The following ZFAND3 variants were observed in gnomAD, a reference collection of about 807,000 sequenced individuals.
ZFAND3 encodes AN1-type zinc finger protein 3.
A neutral mutation model predicts 29.6 loss-of-function variants in ZFAND3; 10 were observed. The observed-to-expected ratio is 0.34, with a 90% confidence interval of 0.21 to 0.57. The LOEUF (loss-of-function observed/expected upper bound fraction) is 0.57, where lower values mean the gene tolerates loss of function less well. Ranked by LOEUF, ZFAND3 falls within the 20% of genes least tolerant of loss-of-function variation. The pLI is 0.86. For missense variants in ZFAND3, 230 were observed against 304.5 expected (o/e 0.76, Z 1.82); for synonymous variants, 128 against 112.6 (o/e 1.14, Z -0.87).
chr6:37,949,640 T>A (rs529740673), intron 2 of ZFAND3, among the ~76,000 whole-genome samples: 1 of 152,248 alleles, frequency 6.6e-6, no homozygotes, highest in East Asian at 1.9e-4. Context: ...TGGGTTCGAT[T>A]AATTTGTTGG....
chr6:38,070,162 C>T (rs951348308), intron 3 of ZFAND3, among the ~76,000 whole-genome samples: 23 of 152,084 alleles, frequency 1.5e-4, no homozygotes, highest in African/African-American at 4.3e-4. Context: ...CTGTGGCTTG[C>T]GCCTGTAATC....
At chr6:38,131,448 C>G (rs7767077) in intron 5 of ZFAND3, among the ~76,000 whole-genome samples, 3 of 152,148 alleles carry the variant, frequency 2.0e-5, no homozygotes, top group Admixed American at 2.0e-4. Context: ...TTAATGTACC[C>G]CCAAGTTAGA....
In ZFAND3 at chr6:37,839,315, G is replaced by C. The variant is rs565779754; in HGVS notation, c.71+19299G>C. 3.3e-5 allele frequency among the ~76,000 whole-genome samples: 5 copies of C among 151,170 alleles called. No homozygotes were observed. The South Asian group carries it at 6.3e-4, about 19-fold the overall frequency. Reference sequence around the variant, plus strand: ...CCTGCCTCAGCTTCCCGGGTAGCTGGGACTACAGACGCGTGCCACCATGCC... The same window carrying C: ...CCTGCCTCAGCTTCCCGGGTAGCTGCGACTACAGACGCGTGCCACCATGCC... On this transcript the variant is annotated intron_variant, in intron 1 of 5. Coordinates refer to ENST00000287218, the MANE Select transcript of ZFAND3 (RefSeq NM_021943.3).
intron 5 of ZFAND3, among the ~76,000 whole-genome samples, chr6:38,121,987 C>A (rs1765543271): frequency 1.3e-5 from 2 of 152,210 alleles, no homozygotes; most frequent in Non-Finnish European, 2.9e-5. Context: ...TGATGATTTA[C>A]TAACTCTAGC....
intron 1 of ZFAND3, among the ~76,000 whole-genome samples, chr6:37,880,346 C>G (rs1399034002): frequency 6.6e-6 from 1 of 152,164 alleles, no homozygotes; most frequent in Non-Finnish European, 1.5e-5. Context: ...TTACTTTGTT[C>G]TGGAGCTGAA....
rs1230233292 is a variant in ZFAND3 at position 38,153,622 on chromosome 6, T to A, written c.*1233T>A. 1.0e-6 allele frequency: 1 copy of A among 985,186 alleles called. No homozygotes were observed. The highest frequency in any genetic ancestry group is 6.2e-5 in the Admixed American group (1 of 16,248). 61.0% of individuals were successfully genotyped at this position (985,186 alleles called of 1,614,324 possible). A position where few individuals can be genotyped will look rare whatever the true frequency, so the allele number is the denominator to read the frequency against. On this transcript the variant is annotated 3_prime_UTR_variant, in exon 6 of 6. Coordinates refer to ENST00000287218, the MANE Select transcript of ZFAND3 (RefSeq NM_021943.3). ...GGTACATTTCTCCACCTGTGCCCCC[T>A]CATGTTCACAGAGGATTTCAGCAGC...
At chr6:38,073,427 A>G (rs1764494516) in intron 3 of ZFAND3, among the ~76,000 whole-genome samples, 1 of 152,130 alleles carries the variant, frequency 6.6e-6, no homozygotes, top group South Asian at 2.1e-4. Context: ...TAAAATGCAA[A>G]TGATGCAAAT....
chr6:38,140,634 C>T (rs1420179527), intron 5 of ZFAND3, among the ~76,000 whole-genome samples: 11 of 152,180 alleles, frequency 7.2e-5, no homozygotes, highest in Admixed American at 7.2e-4. Flanking sequence ...GGCTTACAGA[C>T]ATGAGCCACC....
chr6:38,092,742 A>G (rs1012695887), intron 4 of ZFAND3, among the ~76,000 whole-genome samples: 5 of 152,202 alleles, frequency 3.3e-5, no homozygotes, highest in African/African-American at 1.2e-4. Context: ...GCTCAACTTC[A>G]CTAAATCACA....
intron 2 of ZFAND3, among the ~76,000 whole-genome samples, chr6:38,006,638 C>T (rs138628720): frequency 4.2e-5 from 6 of 144,256 alleles, no homozygotes; most frequent in East Asian, 4.1e-4. Context: ...GCTAAGCCTA[C>T]GGAGGTGAGG....
chr6:37,946,020 T>A (rs867095718), intron 2 of ZFAND3, among the ~76,000 whole-genome samples: 2 of 152,168 alleles, frequency 1.3e-5, no homozygotes, highest in Middle Eastern at 3.2e-3. Flanking sequence ...TTTGGTGTCT[T>A]AAAGGGTTGG....
chr6:38,021,469 C>T (rs1292043818), intron 2 of ZFAND3, among the ~76,000 whole-genome samples: 2 of 152,150 alleles, frequency 1.3e-5, no homozygotes, highest in South Asian at 2.1e-4. Context: ...TTCAATGATA[C>T]CCCCAGGACT....
At chr6:37,932,272 A>T (rs1005403274) in intron 2 of ZFAND3, among the ~76,000 whole-genome samples, 1 of 151,914 alleles carries the variant, frequency 6.6e-6, no homozygotes, top group African/African-American at 2.4e-5. Flanking sequence ...AAAAAAAAAA[A>T]ATAAATAAAT....
intron 2 of ZFAND3, among the ~76,000 whole-genome samples, chr6:37,977,266 G>C (rs961733670): frequency 2.0e-5 from 3 of 152,138 alleles, no homozygotes; most frequent in African/African-American, 7.2e-5. Flanking sequence ...TTTCTCACAT[G>C]ATTGTACTGG....
intron 2 of ZFAND3, among the ~76,000 whole-genome samples, chr6:38,034,400 T>G (rs1233610997): frequency 3.3e-5 from 5 of 152,218 alleles, no homozygotes; most frequent in African/African-American, 1.2e-4. Flanking sequence ...TATATTATAC[T>G]GGGATGTATC....
At chr6:38,149,191 T>C (rs1766170524) in intron 5 of ZFAND3, among the ~76,000 whole-genome samples, 2 of 151,914 alleles carry the variant, frequency 1.3e-5, no homozygotes, top group Non-Finnish European at 2.9e-5. Flanking sequence ...GAGGAATGCT[T>C]GAAGCCAGGA....
intron 1 of ZFAND3, among the ~76,000 whole-genome samples, chr6:37,869,136 A>G (rs547480662): frequency 5.9e-5 from 9 of 152,196 alleles, no homozygotes; most frequent in African/African-American, 1.9e-4. Context: ...TTAATAATAT[A>G]TGTATGGTCT....
At chr6:37,989,916 C>T (rs1005516521) in intron 2 of ZFAND3, among the ~76,000 whole-genome samples, 1 of 152,196 alleles carries the variant, frequency 6.6e-6, no homozygotes, top group Non-Finnish European at 1.5e-5. Context: ...ACAGTGCTCA[C>T]CTGATCTGGG....
At chr6:37,973,053 A>G (rs79949152) in intron 2 of ZFAND3, among the ~76,000 whole-genome samples, 3,104 of 152,162 alleles carry the variant, frequency 0.02, 97 homozygotes, top group African/African-American at 0.071. Flanking sequence ...TCATGAATAT[A>G]CTGTTAGTAT....
Sources: allele counts gnomAD v4.1 joint callset (sites outside exome capture counted in the v4.1 genomes callset), GRCh38; gene constraint gnomAD v4.1.1; transcripts MANE v1.5; gene names NCBI Gene and HGNC (gene_info 2026-07-23, HGNC 2026-07-21).